The following PRKDC variants were observed in gnomAD, a reference collection of about 807,000 sequenced individuals.
PRKDC encodes protein kinase, DNA-activated, catalytic subunit.
Under a neutral mutation model 486.9 loss-of-function variants are expected in PRKDC, and 82 were observed. The observed-to-expected ratio is 0.17, with a 90% CI of 0.14 to 0.20. The LOEUF is 0.20. Among genes scored for constraint, PRKDC ranks in the 10% least tolerant of loss-of-function variants. The pLI is 1.00. For synonymous variants in PRKDC, 1,895 were observed against 1,837.0 expected (o/e 1.03, Z -0.81); for missense variants, 4,504 against 5,038.2 (o/e 0.89, Z 3.21).
Position 47,960,123 on chromosome 8 carries a change from C to T in PRKDC, c.4G>A (p.Ala2Thr). Residue 2 changes from alanine (A) to threonine (T), a missense_variant, in exon 1 of 86, where the codon GCG becomes ACG. Ala to Thr is a moderately conservative substitution (Grantham distance 58). Around this residue, in one of 6 missense-constraint regions of PRKDC, gnomAD observed 145 missense variants for 136.3 expected, o/e 1.06. Transcript: ENST00000314191. The part of the protein sequence containing the change: M[A>T]GSGAGVRCSL... ...CAACGCACACCGGCTCCGGAGCCCG[C>T]CATGCCGCCGAGTCCCGCTCCCGCG... is the stretch of plus-strand genomic sequence containing the variant. 6.7e-7 allele frequency: 1 copy of T among 1,498,270 alleles called. No individual in the cohort carries two copies. The highest frequency in any genetic ancestry group is 2.7e-5 in the East Asian group (1 of 37,524). 92.8% of individuals were successfully genotyped at this position (1,498,270 alleles called of 1,614,324 possible). A position where few individuals can be genotyped will look rare whatever the true frequency, so the allele number is the denominator to read the frequency against.
Position 47,864,544 on chromosome 8 carries a change from G to A in PRKDC, c.5571+12C>T. ...TGCTCACTTCTTATTACTGATTTAA[G>A]GCGTATGATACCTTTGTAAACCTGG... On this transcript the variant is annotated intron_variant, in intron 41 of 85. Transcript: ENST00000314191. 2 of 1,597,012 alleles carry A rather than the reference G, an allele frequency of 1.3e-6. No homozygotes were observed. The highest frequency in any genetic ancestry group is 1.7e-6 in the Non-Finnish European group (2 of 1,171,826).
At position 47,895,603 on chromosome 8, in the gene PRKDC, C is replaced by T. The variant is rs945310237; in HGVS notation, c.3598+1558G>A. ...CATGCTATCAGGGTCTCGGTTTCTA[C>T]TAAATATAGGAAAAATGCTGCCCAC... On this transcript the variant is annotated intron_variant, in intron 30 of 85. Transcript: ENST00000314191. Among the ~76,000 whole-genome samples the T allele has an allele frequency of 7.9e-5, 12 of 152,144 alleles. 1 individual carries two copies. Among genetic ancestry groups the T allele is most frequent in the African/African-American group, 2.2e-4 (9 of 41,428 alleles).
intron 3 of PRKDC, 36 bp from the exon 4 acceptor site, chr8:47,955,984 T>A (rs764221267): frequency 1.4e-6 from 2 of 1,440,438 alleles, no homozygotes; most frequent in Non-Finnish European, 9.5e-7. Flanking sequence ...AAATCATCAA[T>A]AAGATATAAA....
Position 47,881,539 on chromosome 8 carries a change from A to G in PRKDC, c.4963-19T>C. 7.8e-7 allele frequency: 1 copy of G among 1,276,736 alleles called. No homozygotes were observed. Among genetic ancestry groups the G allele is most frequent in the Non-Finnish European group, 1.1e-6 (1 of 908,806 alleles). 79.1% of individuals were successfully genotyped at this position (1,276,736 alleles called of 1,614,324 possible). A position where few individuals can be genotyped will look rare whatever the true frequency, so the allele number is the denominator to read the frequency against. ...AATCAATCTAAAGGAAGGAAAAGAA[A>G]AACAGGACACATTTGTATATTACAT... On this transcript the variant is annotated intron_variant, in intron 37 of 85. Coordinates refer to ENST00000314191, the MANE Select transcript of PRKDC (RefSeq NM_006904.7).
chr8:47,838,029 G>A (rs934048376), intron 56 of PRKDC, among the ~76,000 whole-genome samples: 9 of 151,990 alleles, frequency 5.9e-5, no homozygotes, highest in Non-Finnish European at 1.0e-4. Flanking sequence ...CCAGCTACTC[G>A]GGAGGCTGAG....
At chr8:47,804,500 A>G (rs146160864) in intron 69 of PRKDC, among the ~76,000 whole-genome samples, 20,196 of 151,940 alleles carry the variant, frequency 0.13, 2,176 homozygotes, top group African/African-American at 0.27. Flanking sequence ...GAGTTTCGCC[A>G]TGTTGGCCAG....
chr8:47,913,868 C>G (rs2089946319), intron 24 of PRKDC, 33 bp downstream of exon 24: 1 of 1,560,978 alleles, frequency 6.4e-7, no homozygotes, highest in African/African-American at 1.4e-5. Context: ...GCAATAGGAT[C>G]TAAATAATGG....
intron 85 of PRKDC, among the ~76,000 whole-genome samples, chr8:47,775,529 G>A (rs555556399): frequency 6.7e-4 from 101 of 151,058 alleles, no homozygotes; most frequent in African/African-American, 2.1e-3. Flanking sequence ...GAGCCACTGC[G>A]CCCAGCCCTG....
intron 13 of PRKDC, among the ~76,000 whole-genome samples, chr8:47,935,373 G>C (rs974367804): frequency 6.6e-6 from 1 of 151,900 alleles, no homozygotes; most frequent in African/African-American, 2.4e-5. Context: ...GGTGGCGGGC[G>C]CCTGTAGTCC....
At chr8:47,876,891 T>C (rs535851677) in intron 40 of PRKDC, among the ~76,000 whole-genome samples, 1 of 152,120 alleles carries the variant, frequency 6.6e-6, no homozygotes, top group Non-Finnish European at 1.5e-5. Context: ...AGCTAAACCA[T>C]GAGGAAAATA....
intron 1 of PRKDC, 41 bp from the exon 2 acceptor site, chr8:47,957,472 G>T: frequency 6.7e-7 from 1 of 1,488,592 alleles, no homozygotes; most frequent in South Asian, 1.2e-5. Context: ...AGAGTGCCAA[G>T]AGCATCATGT....
rs1241735576 is a variant in PRKDC, at chr8:47,859,628, C to G, written c.6190G>C (p.Gly2064Arg). Reference sequence around the variant, plus strand: ...GTGATCACCCGTCTCCGAAAACGACCAGTGGCAGGTCTAGGGTCTTGGGAG... The same window carrying G: ...GTGATCACCCGTCTCCGAAAACGACGAGTGGCAGGTCTAGGGTCTTGGGAG... ...YSSQDPRPAT[G>R]RFRRREQRDP... Residue 2064 changes from glycine (G) to arginine (R), a missense_variant, in exon 46 of 86, where the codon GGT becomes CGT. Physicochemically the swap from Gly to Arg is moderately radical, Grantham distance 125 (BLOSUM62 -2). Transcript: ENST00000314191. 1 of 1,609,848 alleles carries G rather than the reference C, an allele frequency of 6.2e-7. No homozygotes were observed. The highest frequency in any genetic ancestry group is 1.1e-5 in the South Asian group (1 of 89,742).
At position 47,902,637 on chromosome 8, in the gene PRKDC, C is replaced by T. The variant is rs1479291440; in HGVS notation, c.3201G>A (p.Ala1067=). ...GCCTCTTGAAAGCATTGGGGTGAAG[C>T]GCAAGGCTATAAAGTCGCTTGAAAA... ...KSLFKRLYSL[A]LHPNAFKRLG... is the part of the protein sequence containing the mutation. Residue 1067 remains alanine, a synonymous_variant, in exon 27 of 86, where the codon GCG becomes GCA. Transcript: ENST00000314191. 4 of 1,613,180 alleles carry T rather than the reference C, an allele frequency of 2.5e-6. No homozygotes were observed. Among genetic ancestry groups the T allele is most frequent in the South Asian group, 1.1e-5 (1 of 90,876 alleles).
intron 35 of PRKDC, among the ~76,000 whole-genome samples, chr8:47,886,871 G>A (rs533241878): frequency 2.0e-5 from 3 of 152,024 alleles, no homozygotes; most frequent in South Asian, 2.1e-4. Context: ...AAATTTTTTT[G>A]TAGAAACAGG....
In PRKDC at chr8:47,800,847, GTCC is replaced by G. The variant is rs2087091921; in HGVS notation, c.10059_10061del (p.Glu3353del). 1.2e-6 allele frequency: 2 copies of G among 1,612,996 alleles called. No individual in the cohort carries two copies. Among genetic ancestry groups the G allele is most frequent in the African/African-American group, 1.3e-5 (1 of 74,872 alleles). ...AAAGCTCTAAGATTCTTCTAGCCTT[GTCC>G]TCCTCGATTTCAGCAAGGCAGGCTG... On this transcript the variant is annotated inframe_deletion, in exon 71 of 86. Transcript: ENST00000314191.
At chr8:47,900,921 A>G (rs930583059) in intron 27 of PRKDC, among the ~76,000 whole-genome samples, 3 of 151,764 alleles carry the variant, frequency 2.0e-5, no homozygotes, top group Admixed American at 1.3e-4. Flanking sequence ...GCATGCCTAT[A>G]AAGATCACTT....
At chr8:47,846,304 TACTC>T (rs2088261872) in intron 54 of PRKDC, among the ~76,000 whole-genome samples, 1 of 151,412 alleles carries the variant, frequency 6.6e-6, no homozygotes, top group South Asian at 2.1e-4. Flanking sequence ...TAATCCCACT[TACTC>T]AGGAGGCTGA....
chr8:47,775,364 ATTTTTTTTTTT>A (rs761373021), intron 85 of PRKDC, among the ~76,000 whole-genome samples: 21 of 87,556 alleles, frequency 2.4e-4, no homozygotes, highest in Middle Eastern at 0.011. Flanking sequence ...TCTTTTGACC[ATTTTTTTTTTT>A]TTTTTTTTTT....
chr8:47,824,799 C>A (rs1026516245), intron 63 of PRKDC, among the ~76,000 whole-genome samples: 5 of 152,154 alleles, frequency 3.3e-5, no homozygotes, highest in African/African-American at 1.2e-4. Flanking sequence ...GGGGTTTGTT[C>A]CCTTCCTCCA....
Sources: allele counts gnomAD v4.1 joint callset (sites outside exome capture counted in the v4.1 genomes callset), GRCh38; gene constraint gnomAD v4.1.1; regional missense constraint gnomAD v4.1.1; transcripts MANE v1.5; gene names NCBI Gene and HGNC (gene_info 2026-07-23, HGNC 2026-07-21).